The following KHDRBS2 variants were observed in gnomAD, a reference collection of about 807,000 sequenced individuals.
The protein encoded by KHDRBS2 is KH domain-containing, RNA-binding, signal transduction-associated protein 2.
KHDRBS2 carries 26 observed loss-of-function variants against 44.3 expected under a neutral mutation model. That is an observed-to-expected ratio of 0.59 (90% confidence interval 0.43 to 0.81). The LOEUF (loss-of-function observed/expected upper bound fraction) is 0.81, where lower values mean the gene tolerates loss of function less well. KHDRBS2 is among the 40% of genes least tolerant of loss of function. KHDRBS2 has a pLI of 0.00. For synonymous variants in KHDRBS2, 194 were observed against 151.1 expected (o/e 1.28, Z -2.08); for missense variants, 476 against 433.1 (o/e 1.10, Z -0.88).
At chr6:61,921,989 A>AT (rs56380508) in intron 4 of KHDRBS2, among the ~76,000 whole-genome samples, 28,924 of 151,824 alleles carry the variant, frequency 0.19, 2,941 homozygotes, top group Non-Finnish European at 0.23. Flanking sequence ...GCAAGCCATC[A>AT]TTTTTTTCTT....
At position 61,875,209 on chromosome 6, in the gene KHDRBS2, A is replaced by T. The variant is rs564658400; in HGVS notation, c.810+19426T>A. Among the ~76,000 whole-genome samples the T allele has an allele frequency of 2.2e-4, 34 of 151,880 alleles. No homozygotes were observed. In the South Asian group the frequency reaches 5.6e-3, roughly 25 times the overall value. On this transcript the variant is annotated intron_variant, in intron 6 of 8. Transcript: ENST00000281156. ...GGCAGGGAGGGAGAGAGAGAGAGAG[A>T]GAGAGTGGTGTTGAAAAGCAGAAAG...
chr6:62,053,290 G>T (rs946601975), intron 2 of KHDRBS2, among the ~76,000 whole-genome samples: 2 of 150,886 alleles, frequency 1.3e-5, no homozygotes, highest in African/African-American at 4.9e-5. Context: ...CTCAGCAGGA[G>T]AATATAACCT....
At chr6:61,574,373 A>T in the KHDRBS2 span, 1 of 1,526,710 alleles carries the variant, frequency 6.6e-7, no homozygotes, top group South Asian at 1.2e-5. Flanking sequence ...AACCACTGCA[A>T]CTGACCTGCC....
At chr6:62,165,844 A>C (rs926665154) in intron 2 of KHDRBS2, among the ~76,000 whole-genome samples, 1 of 151,964 alleles carries the variant, frequency 6.6e-6, no homozygotes, top group African/African-American at 2.4e-5. Flanking sequence ...CATTTTAACT[A>C]ATTTTAAGTG....
At chr6:62,039,582 G>A (rs918070537) in intron 3 of KHDRBS2, among the ~76,000 whole-genome samples, 1 of 151,828 alleles carries the variant, frequency 6.6e-6, no homozygotes, top group Non-Finnish European at 1.5e-5. Context: ...AGTAATCTTG[G>A]TCTAGGTATT....
chr6:61,616,613 C>T, the KHDRBS2 span, among the ~76,000 whole-genome samples: 1 of 151,814 alleles, frequency 6.6e-6, no homozygotes, highest in Non-Finnish European at 1.5e-5. Context: ...TTGGCATCTG[C>T]AAAGGTCAAA....
intron 6 of KHDRBS2, among the ~76,000 whole-genome samples, chr6:61,874,175 T>C (rs1026678054): frequency 7.2e-5 from 11 of 152,086 alleles, no homozygotes; most frequent in African/African-American, 2.7e-4. Flanking sequence ...ATTTGAAGAC[T>C]TTTTTTCAAA....
At chr6:61,977,286 T>A (rs1461859929) in intron 4 of KHDRBS2, among the ~76,000 whole-genome samples, 1 of 152,160 alleles carries the variant, frequency 6.6e-6, no homozygotes, top group East Asian at 1.9e-4. Flanking sequence ...TCTCTTCTAA[T>A]TGTCTTATTC....
rs534958414 is a variant in KHDRBS2, at chr6:61,775,564, A to G, written c.811-42800T>C. On this transcript the variant is annotated intron_variant, in intron 6 of 8. Coordinates refer to ENST00000281156, the MANE Select transcript of KHDRBS2 (RefSeq NM_152688.4). ...ACAATTGCTTCAAAGAGAATAAAATACTTAGGAATCCAACTTACAAGGGAC... is the reference window on the plus strand; with the variant it reads ...ACAATTGCTTCAAAGAGAATAAAATGCTTAGGAATCCAACTTACAAGGGAC... 2.4e-3 allele frequency among the ~76,000 whole-genome samples: 365 copies of G among 152,092 alleles called. 2 individuals are homozygous for G. The highest frequency in any genetic ancestry group is 8.0e-3 in the African/African-American group (333 of 41,538).
intron 4 of KHDRBS2, among the ~76,000 whole-genome samples, chr6:61,962,804 T>C (rs565319759): frequency 9.9e-5 from 15 of 152,244 alleles, no homozygotes; most frequent in African/African-American, 2.6e-4. Flanking sequence ...GTGAATTTTA[T>C]ACAAATCAGA....
In KHDRBS2 at chr6:61,954,845, C is replaced by T. The variant is rs867783832; in HGVS notation, c.483+23221G>A. Among the ~76,000 whole-genome samples the T allele has an allele frequency of 1.0e-4, 3 of 29,830 alleles. 1 individual carries two copies. Among genetic ancestry groups the T allele is most frequent in the African/African-American group, 8.2e-4 (3 of 3,646 alleles). 19.6% of individuals were successfully genotyped at this position (29,830 alleles called of 152,430 possible). Reference sequence around the variant, plus strand: ...ATATACACATGCATATGTATGTATACATATGCATGTGTATATACACATACA... The same window carrying T: ...ATATACACATGCATATGTATGTATATATATGCATGTGTATATACACATACA... On this transcript the variant is annotated intron_variant, in intron 4 of 8. Coordinates refer to ENST00000281156, the MANE Select transcript of KHDRBS2 (RefSeq NM_152688.4).
At chr6:62,034,731 T>G (rs918022174) in intron 3 of KHDRBS2, among the ~76,000 whole-genome samples, 1 of 120,464 alleles carries the variant, frequency 8.3e-6, no homozygotes, top group Non-Finnish European at 1.7e-5. Flanking sequence ...TCTCCTCAAA[T>G]CAGGAAGATG....
chr6:62,205,362 G>A (rs182068511), intron 1 of KHDRBS2, among the ~76,000 whole-genome samples: 78 of 152,130 alleles, frequency 5.1e-4, no homozygotes, highest in African/African-American at 1.7e-3. Flanking sequence ...TATGGTTAAG[G>A]GACCCAGAAA....
chr6:61,682,231 C>T (rs901403302), intron 8 of KHDRBS2, among the ~76,000 whole-genome samples: 2 of 151,738 alleles, frequency 1.3e-5, no homozygotes, highest in Non-Finnish European at 2.9e-5. Context: ...AAACAATCTA[C>T]TATGTAGAAA....
intron 6 of KHDRBS2, among the ~76,000 whole-genome samples, chr6:61,839,866 A>C (rs1209814024): frequency 6.6e-6 from 1 of 152,024 alleles, no homozygotes; most frequent in African/African-American, 2.4e-5. Flanking sequence ...GAAAATAGCA[A>C]GTATTTCCTC....
chr6:61,845,403 G>A (rs1204592704), intron 6 of KHDRBS2, among the ~76,000 whole-genome samples: 3 of 147,580 alleles, frequency 2.0e-5, no homozygotes. Context: ...TCCGCCTCCC[G>A]GGTTCGAGCG....
intron 2 of KHDRBS2, among the ~76,000 whole-genome samples, chr6:62,172,278 G>T (rs1332031755): frequency 6.6e-6 from 1 of 152,008 alleles, no homozygotes; most frequent in African/African-American, 2.4e-5. Flanking sequence ...AAAATCAGGG[G>T]TTGCTACTCT....
chr6:62,021,087 G>A (rs1239439883), intron 3 of KHDRBS2, among the ~76,000 whole-genome samples: 7 of 152,006 alleles, frequency 4.6e-5, no homozygotes, highest in African/African-American at 1.4e-4. Context: ...CAGGAAAATG[G>A]ATGGAGCTGG....
intron 4 of KHDRBS2, among the ~76,000 whole-genome samples, chr6:61,905,512 T>A (rs144009021): frequency 6.6e-6 from 1 of 152,188 alleles, no homozygotes; most frequent in Non-Finnish European, 1.5e-5. Context: ...GTTTAAAATG[T>A]CAGAGAGACC....
Sources: allele counts gnomAD v4.1 joint callset (sites outside exome capture counted in the v4.1 genomes callset), GRCh38; gene constraint gnomAD v4.1.1; transcripts MANE v1.5; gene names NCBI Gene and HGNC (gene_info 2026-07-23, HGNC 2026-07-21).